ADGRB3: variants seen among roughly 807,000 people sequenced by gnomAD.
ADGRB3 encodes adhesion G protein-coupled receptor B3.
ADGRB3 carries 37 observed loss-of-function variants against 193.4 expected under a neutral mutation model. The ratio of observed to expected loss-of-function variants is 0.19; its 90% CI spans 0.15 to 0.25. ADGRB3 has a LOEUF of 0.25. Among genes scored for constraint, ADGRB3 ranks in the 10% least tolerant of loss-of-function variants. The pLI, the probability that ADGRB3 is intolerant of heterozygous loss-of-function variation, is 1.00. For synonymous variants in ADGRB3, 690 were observed against 644.2 expected, an observed-to-expected ratio of 1.07 and a Z score of -1.08; for missense variants, 1,637 against 1,852.9, an observed-to-expected ratio of 0.88 and a Z score of 2.14.
chr6:68,671,365 C>T (rs1768954988), intron 3 of ADGRB3, among the ~76,000 whole-genome samples: 2 of 151,932 alleles, frequency 1.3e-5, no homozygotes, highest in Admixed American at 1.3e-4. Context: ...AGTTTTTCCC[C>T]ATTCAATATG....
chr6:69,262,786 CTT>C (rs1766957164), intron 20 of ADGRB3, among the ~76,000 whole-genome samples: 1 of 151,604 alleles, frequency 6.6e-6, no homozygotes, highest in Non-Finnish European at 1.5e-5. Context: ...CTGTGCCTAA[CTT>C]ATAAATTAAA....
chr6:69,223,314 A>G (rs969186887), intron 17 of ADGRB3, among the ~76,000 whole-genome samples: 1 of 152,202 alleles, frequency 6.6e-6, no homozygotes, highest in Non-Finnish European at 1.5e-5. Flanking sequence ...TATCAAAATC[A>G]CATATTCCTG....
chr6:68,781,311 G>A (rs939875635), intron 3 of ADGRB3, among the ~76,000 whole-genome samples: 12 of 152,074 alleles, frequency 7.9e-5, no homozygotes, highest in Non-Finnish European at 1.2e-4. Context: ...TTACAGGCAT[G>A]GTGTCATTGG....
intron 17 of ADGRB3, among the ~76,000 whole-genome samples, chr6:69,114,200 A>G (rs999237269): frequency 2.0e-5 from 3 of 152,162 alleles, no homozygotes; most frequent in African/African-American, 7.2e-5. Flanking sequence ...TATTATCACC[A>G]TTTTACAGAT....
rs3757049 is a variant in ADGRB3, at chr6:69,048,180, A to T, written c.2108-5A>T. 175,206 of 1,604,022 alleles carry T rather than the reference A, an allele frequency of 0.11. 16,063 individuals carry two copies. The highest frequency in any genetic ancestry group is 0.55 in the East Asian group (24,665 of 44,682). The stretch of plus-strand genomic sequence containing the variant: ...TAATTGAAATTATTATTTCTTTTTT[A>T]ATAGTGGCTAGTATTCAGAAGCTTC... On this transcript the variant is annotated splice_polypyrimidine_tract_variant and splice_region_variant and intron_variant, in intron 13 of 31. Coordinates refer to ENST00000370598, the MANE Select transcript of ADGRB3 (RefSeq NM_001704.3).
chr6:68,837,123 G>T (rs1768060997), intron 3 of ADGRB3, among the ~76,000 whole-genome samples: 1 of 152,074 alleles, frequency 6.6e-6, no homozygotes, highest in African/African-American at 2.4e-5. Context: ...ATTAAATCAT[G>T]CACACCCCAA....
At chr6:69,140,105 G>C (rs1774284518) in intron 17 of ADGRB3, among the ~76,000 whole-genome samples, 1 of 152,106 alleles carries the variant, frequency 6.6e-6, no homozygotes, top group South Asian at 2.1e-4. Flanking sequence ...CAGCATCTTA[G>C]ATGCAAGCAT....
intron 3 of ADGRB3, among the ~76,000 whole-genome samples, chr6:68,813,826 G>A (rs183285077): frequency 5.3e-5 from 8 of 152,154 alleles, no homozygotes; most frequent in East Asian, 1.9e-4. Context: ...TTGTCCTTGC[G>A]ATAGTTTGCT....
chr6:68,689,210 G>A (rs949476116), intron 3 of ADGRB3, among the ~76,000 whole-genome samples: 2 of 152,138 alleles, frequency 1.3e-5, no homozygotes, highest in Admixed American at 6.6e-5. Flanking sequence ...TGAGCTTGAA[G>A]AGAGCTCAGG....
chr6:69,179,797 T>A (rs1017772598), intron 17 of ADGRB3, among the ~76,000 whole-genome samples: 3 of 152,212 alleles, frequency 2.0e-5, no homozygotes, highest in African/African-American at 7.2e-5. Context: ...GACTGTGCAG[T>A]TTGACTTACA....
chr6:68,956,007 T>C lies in ADGRB3; in HGVS notation c.1196-17T>C, dbSNP rs137913703. ...TTGGAAGATATCCTCATGCTGTCTC[T>C]TTTTCTGCTTTGGTAGTTGATGGAC... On this transcript the variant is annotated splice_polypyrimidine_tract_variant and intron_variant, in intron 6 of 31. Coordinates refer to ENST00000370598, the MANE Select transcript of ADGRB3 (RefSeq NM_001704.3). The C allele has an allele frequency of 1.9e-3, 2,982 of 1,609,736 alleles. 5 individuals carry two copies. The highest frequency in any genetic ancestry group is 2.1e-3 in the Non-Finnish European group (2,499 of 1,177,998).
At chr6:68,698,122 A>G (rs1348566456) in intron 3 of ADGRB3, among the ~76,000 whole-genome samples, 1 of 151,866 alleles carries the variant, frequency 6.6e-6, no homozygotes, top group Non-Finnish European at 1.5e-5. Context: ...TATTATGGTT[A>G]TAATATATAT....
chr6:69,303,875 C>T (rs1768004407), intron 20 of ADGRB3, among the ~76,000 whole-genome samples: 1 of 151,878 alleles, frequency 6.6e-6, no homozygotes, highest in Non-Finnish European at 1.5e-5. Context: ...TAATAGTAAT[C>T]ACCTTCTGTG....
chr6:69,116,922 G>T (rs1472019446), intron 17 of ADGRB3, among the ~76,000 whole-genome samples: 2 of 152,150 alleles, frequency 1.3e-5, no homozygotes, highest in Non-Finnish European at 2.9e-5. Context: ...TTCTTGGCTG[G>T]TGGGCCTCTG....
At chr6:69,264,059 T>C (rs780872776) in intron 20 of ADGRB3, among the ~76,000 whole-genome samples, 25 of 152,104 alleles carry the variant, frequency 1.6e-4, no homozygotes, top group Admixed American at 1.2e-3. Context: ...GACTCATCCA[T>C]AGATGGATAC....
chr6:68,859,726 C>T (rs1765097037), intron 3 of ADGRB3, among the ~76,000 whole-genome samples: 5 of 152,078 alleles, frequency 3.3e-5, no homozygotes, highest in Admixed American at 3.3e-4. Flanking sequence ...CCACCAGGTC[C>T]CTCCCATGAC....
At chr6:68,739,925 G>C (rs145525445) in intron 3 of ADGRB3, among the ~76,000 whole-genome samples, 49 of 151,996 alleles carry the variant, frequency 3.2e-4, no homozygotes, top group African/African-American at 1.2e-3. Context: ...TATTAGTATC[G>C]AAAGGTTGTA....
chr6:69,335,626 T>G (rs2067055556), intron 24 of ADGRB3, among the ~76,000 whole-genome samples: 1 of 152,074 alleles, frequency 6.6e-6, no homozygotes, highest in Non-Finnish European at 1.5e-5. Context: ...TTGAATAATT[T>G]TAGTTCACAG....
At chr6:69,210,269 GA>G (rs1014409870) in intron 17 of ADGRB3, among the ~76,000 whole-genome samples, 7 of 150,172 alleles carry the variant, frequency 4.7e-5, no homozygotes, top group Admixed American at 4.7e-4. Flanking sequence ...TTCCAAAACT[GA>G]AGAACTTGGA....
Sources: allele counts gnomAD v4.1 joint callset (sites outside exome capture counted in the v4.1 genomes callset), GRCh38; gene constraint gnomAD v4.1.1; transcripts MANE v1.5; gene names NCBI Gene and HGNC (gene_info 2026-07-23, HGNC 2026-07-21).